BNC2: variants seen among roughly 807,000 people sequenced by gnomAD.
BNC2 encodes the protein zinc finger protein basonuclin-2.
In BNC2, 20 loss-of-function variants were observed where a neutral mutation model predicts 76.3. The ratio of observed to expected loss-of-function variants is 0.26; its 90% CI spans 0.18 to 0.38. The LOEUF is 0.38. Ranked by LOEUF, BNC2 falls within the 10% of genes least tolerant of loss-of-function variation. The pLI, the probability that BNC2 is intolerant of heterozygous loss-of-function variation, is 1.00. For synonymous variants in BNC2, 582 were observed against 514.8 expected (o/e 1.13, Z -1.77); for missense variants, 1,382 against 1,399.8 (o/e 0.99, Z 0.20).
chr9:16,533,578 T>G (rs961663219), intron 5 of BNC2, among the ~76,000 whole-genome samples: 1 of 152,262 alleles, frequency 6.6e-6, no homozygotes, highest in East Asian at 1.9e-4. Context: ...AAAATGAGGA[T>G]GAATCAAATA....
At chr9:16,865,532 T>G (rs1319471175) in intron 1 of BNC2, among the ~76,000 whole-genome samples, 1 of 152,172 alleles carries the variant, frequency 6.6e-6, no homozygotes, top group Non-Finnish European at 1.5e-5. Context: ...CTAGAATTCT[T>G]AATTATCGAA....
intron 3 of BNC2, among the ~76,000 whole-genome samples, chr9:16,608,625 C>T (rs1017499517): frequency 2.0e-5 from 3 of 152,136 alleles, no homozygotes; most frequent in Non-Finnish European, 4.4e-5. Flanking sequence ...CCTGCCTCAG[C>T]CTCCCAAGTA....
chr9:16,561,451 G>A (rs1394389346), intron 4 of BNC2, among the ~76,000 whole-genome samples: 2 of 152,060 alleles, frequency 1.3e-5, no homozygotes, highest in African/African-American at 4.8e-5. Context: ...TAAGCTCAGG[G>A]TATAAAAAGG....
intron 5 of BNC2, among the ~76,000 whole-genome samples, chr9:16,533,623 A>G (rs1035381953): frequency 3.9e-5 from 6 of 152,186 alleles, no homozygotes; most frequent in African/African-American, 1.4e-4. Flanking sequence ...GGTAGGAAGA[A>G]AAATCTGCCT....
chr9:16,729,425 C>G (rs1290853998), intron 2 of BNC2, among the ~76,000 whole-genome samples: 3 of 152,172 alleles, frequency 2.0e-5, no homozygotes, highest in African/African-American at 7.2e-5. Flanking sequence ...CAGAAAAGAG[C>G]TTCAATGGCA....
intron 1 of BNC2, among the ~76,000 whole-genome samples, chr9:16,810,582 G>C (rs189417813): frequency 1.1e-4 from 17 of 152,338 alleles, no homozygotes; most frequent in Middle Eastern, 3.4e-3. Context: ...CAAATCCCAA[G>C]CACTGCTTCT....
chr9:16,806,259 T>A (rs148227741), intron 1 of BNC2, among the ~76,000 whole-genome samples: 1 of 152,280 alleles, frequency 6.6e-6, no homozygotes, highest in African/African-American at 2.4e-5. Context: ...GAGGATCACT[T>A]GAGCCCAAGG....
Position 16,582,354 on chromosome 9 carries a change from C to T in BNC2, c.433+629G>A, listed in dbSNP as rs1019403778. On this transcript the variant is annotated intron_variant, in intron 4 of 6. Transcript: ENST00000380672. ...GTGCACCTGGCAAAAACCCTCAACA[C>T]TCATATCCTTCGCGTGGGGTCTCCC... is the stretch of plus-strand genomic sequence containing the variant. Among the ~76,000 whole-genome samples the T allele has an allele frequency of 2.0e-5, 3 of 152,242 alleles. No individual in the cohort carries two copies. The South Asian group carries it at 6.2e-4, about 32-fold the overall frequency.
chr9:16,838,152 T>C (rs1818750121), intron 1 of BNC2, among the ~76,000 whole-genome samples: 1 of 152,242 alleles, frequency 6.6e-6, no homozygotes, highest in African/African-American at 2.4e-5. Flanking sequence ...ATTTACACTG[T>C]ACACAAGTTT....
intron 3 of BNC2, among the ~76,000 whole-genome samples, chr9:16,707,588 AAAG>A (rs1823716994): frequency 6.6e-6 from 1 of 152,158 alleles, no homozygotes; most frequent in Non-Finnish European, 1.5e-5. Context: ...TACATCACTA[AAAG>A]AAGGATAAGC....
intron 4 of BNC2, among the ~76,000 whole-genome samples, chr9:16,561,347 G>A (rs569101474): frequency 2.0e-5 from 3 of 152,240 alleles, no homozygotes; most frequent in East Asian, 3.9e-4. Flanking sequence ...AAACGGGGAG[G>A]GATGGCTTAG....
chr9:16,621,966 G>A (rs1820879058), intron 3 of BNC2, among the ~76,000 whole-genome samples: 2 of 152,042 alleles, frequency 1.3e-5, no homozygotes, highest in African/African-American at 4.8e-5. Context: ...GTGGCTACTA[G>A]AAAATTTTAA....
chr9:16,539,663 GGAGGGAGGGAGGGA>G (rs1466675629), intron 5 of BNC2, among the ~76,000 whole-genome samples: 1,678 of 58,398 alleles, frequency 0.029, 204 homozygotes, highest in African/African-American at 0.097. Context: ...GAGAAGGGAG[GGAGGGAGGGAGGGA>G]GGAAGGAAGG....
intron 1 of BNC2, among the ~76,000 whole-genome samples, chr9:16,787,164 T>A (rs1826318247): frequency 6.6e-6 from 1 of 152,142 alleles, no homozygotes; most frequent in Non-Finnish European, 1.5e-5. Flanking sequence ...GATGTGAAAC[T>A]GACAAGCAAC....
At chr9:16,730,106 A>C (rs1263758835) in intron 2 of BNC2, among the ~76,000 whole-genome samples, 3 of 150,430 alleles carry the variant, frequency 2.0e-5, no homozygotes, top group African/African-American at 7.4e-5. Context: ...CCAACACCCC[A>C]CACACACACT....
At chr9:16,785,362 T>G (rs1826259164) in intron 1 of BNC2, among the ~76,000 whole-genome samples, 1 of 152,054 alleles carries the variant, frequency 6.6e-6, no homozygotes, top group Non-Finnish European at 1.5e-5. Context: ...GGGGATCAGG[T>G]GACTACTTAA....
Position 16,800,224 on chromosome 9 carries a change from CA to C in BNC2, c.4-61740del, listed in dbSNP as rs61387643. On this transcript the variant is annotated intron_variant, in intron 1 of 6. Transcript: ENST00000380672. Reference sequence around the variant, plus strand: ...TGGGTGACAAAGCAAGACTCCATCTCAAAAAAAAAAAAGAAAAGAAACTATG... The same window carrying C: ...TGGGTGACAAAGCAAGACTCCATCTCAAAAAAAAAAAGAAAAGAAACTATG... 7.1e-3 allele frequency among the ~76,000 whole-genome samples: 1,024 copies of C among 143,656 alleles called. 11 individuals carry two copies. The highest frequency in any genetic ancestry group is 0.024 in the African/African-American group (943 of 38,620). The allele number at this position is 143,656 out of a possible 152,430, so 94.2% of individuals were successfully genotyped here.
chr9:16,703,768 T>C (rs578119258), intron 3 of BNC2, among the ~76,000 whole-genome samples: 1 of 152,300 alleles, frequency 6.6e-6, no homozygotes, highest in South Asian at 2.1e-4. Flanking sequence ...ATAGTTTACT[T>C]TTCTGTGCTA....
At chr9:16,445,183 G>A (rs1005466433) in intron 5 of BNC2, among the ~76,000 whole-genome samples, 1 of 152,162 alleles carries the variant, frequency 6.6e-6, no homozygotes, top group African/African-American at 2.4e-5. Flanking sequence ...ACTTAAAATC[G>A]TGGAAAAAGA....
Sources: gnomAD v4.1 joint callset for allele counts (sites outside exome capture counted in the v4.1 genomes callset) on GRCh38, gnomAD v4.1.1 for gene constraint, MANE v1.5 for transcripts, NCBI Gene and HGNC (gene_info 2026-07-23, HGNC 2026-07-21) for gene names.